The following TLCD4 variants were observed in gnomAD, a reference collection of about 807,000 sequenced individuals.
TLCD4 encodes the protein TLC domain-containing protein 4.
TLCD4 carries 7 observed loss-of-function variants against 24.2 expected under a neutral mutation model. The observed-to-expected ratio is 0.29, with a 90% CI of 0.16 to 0.54. The LOEUF (loss-of-function observed/expected upper bound fraction) is 0.54. Among genes scored for constraint, TLCD4 ranks in the 20% least tolerant of loss-of-function variants. TLCD4 has a pLI of 0.95. For synonymous variants in TLCD4, 103 were observed against 106.4 expected (o/e 0.97, Z 0.20); for missense variants, 259 against 313.9 (o/e 0.82, Z 1.32).
chr1:95,170,551 G>T (rs969828244), intron 5 of TLCD4, among the ~76,000 whole-genome samples: 57 of 152,022 alleles, frequency 3.7e-4, no homozygotes, highest in African/African-American at 1.3e-3. Context: ...GGATGGTCTC[G>T]ATCTCCTGAC....
chr1:95,114,135 C>T (rs1676388134), upstream of TLCD4, among the ~76,000 whole-genome samples: 2 of 152,218 alleles, frequency 1.3e-5, no homozygotes, highest in African/African-American at 4.8e-5. Flanking sequence ...TATCAGCTCA[C>T]TGCAGCCTCC....
At chr1:95,122,714 A>G (rs1676604728) in intron 1 of TLCD4, among the ~76,000 whole-genome samples, 1 of 152,208 alleles carries the variant, frequency 6.6e-6, no homozygotes, top group African/African-American at 2.4e-5. Context: ...TGCCATGGCA[A>G]ACTCTAGGAA....
chr1:95,190,571 C>T (rs9659908), intron 6 of TLCD4, among the ~76,000 whole-genome samples: 14,168 of 152,086 alleles, frequency 0.093, 765 homozygotes, highest in African/African-American at 0.14. Flanking sequence ...TGATGATCCA[C>T]GCTCCTCAGC....
intron 5 of TLCD4, among the ~76,000 whole-genome samples, chr1:95,162,997 G>A (rs1251087396): frequency 1.2e-4 from 18 of 151,582 alleles, no homozygotes; most frequent in East Asian, 7.7e-4. Context: ...TGCTCTTCTC[G>A]AGGAGTATCT....
chr1:95,169,181 A>G (rs1258258076), intron 5 of TLCD4, among the ~76,000 whole-genome samples: 2 of 152,004 alleles, frequency 1.3e-5, no homozygotes, highest in African/African-American at 2.4e-5. Context: ...TGCTGTTCCC[A>G]CCCCTCATGG....
At chr1:95,151,236 T>C (rs1677483175) in intron 4 of TLCD4, 89 bp from the exon 5 acceptor site, 12 of 1,292,470 alleles carry the variant, frequency 9.3e-6, no homozygotes, top group Non-Finnish European at 1.3e-5. Flanking sequence ...TGGACAGTGA[T>C]GAGTTGGCAG....
the TLCD4 span, among the ~76,000 whole-genome samples, chr1:95,096,164 A>C: frequency 1.1e-3 from 161 of 152,368 alleles, no homozygotes; most frequent in African/African-American, 3.6e-3. Flanking sequence ...CCAATTAGCC[A>C]TTCAAATTTT....
rs761615986 is a variant in TLCD4, at chr1:95,191,695, C to A, written c.619C>A (p.Pro207Thr). 7 of 1,614,136 alleles carry A rather than the reference C, an allele frequency of 4.3e-6. No homozygotes were observed. The Admixed American group carries it at 8.3e-5, about 19-fold the overall frequency. The change falls in exon 7 of 7, where the codon CCC (proline) becomes ACC (threonine). Residue 207 changes from proline to threonine, a missense_variant. By Grantham distance (38) the Pro-to-Thr change is conservative (BLOSUM62 -1). Transcript: ENST00000370203. Reference protein sequence around the residue: ...GFMYSVYGTEPYIRLGVLIQL... With the variant: ...GFMYSVYGTETYIRLGVLIQL... ...CATGTATTCCGTGTATGGAACAGAA[C>A]CCTACATAAGGCTTGGAGTTTTAAT...
intron 6 of TLCD4, among the ~76,000 whole-genome samples, chr1:95,185,278 G>C (rs1429753463): frequency 1.3e-5 from 2 of 152,070 alleles, no homozygotes; most frequent in Non-Finnish European, 2.9e-5. Context: ...AGGGGAACTT[G>C]GTAGAACAAG....
chr1:95,146,434 T>C (rs1024597321), intron 2 of TLCD4, among the ~76,000 whole-genome samples: 13 of 152,158 alleles, frequency 8.5e-5, no homozygotes, highest in African/African-American at 3.1e-4. Flanking sequence ...GTTGGCAATA[T>C]TTACACTACT....
At chr1:95,118,050 C>T (rs540508751) in intron 1 of TLCD4, 2 of 152,370 alleles carry the variant, frequency 1.3e-5, no homozygotes, top group East Asian at 3.9e-4. Flanking sequence ...CCAGGGAGAG[C>T]TTTCTTGTTA....
intron 6 of TLCD4, among the ~76,000 whole-genome samples, chr1:95,178,563 C>CTTTTTTTTTTTTTTTTTT (rs57190787): frequency 1.2e-5 from 1 of 82,360 alleles, no homozygotes; most frequent in Non-Finnish European, 2.2e-5. Flanking sequence ...ATGCCCAGCC[C>CTTTTTTTTTTTTTTTTTT]TTTTTTTTTT....
At chr1:95,190,605 G>T (rs1557700693) in intron 6 of TLCD4, among the ~76,000 whole-genome samples, 1 of 151,900 alleles carries the variant, frequency 6.6e-6, no homozygotes, top group Non-Finnish European at 1.5e-5. Context: ...GGGATTACAG[G>T]GGTGAGCCAC....
intron 1 of TLCD4, among the ~76,000 whole-genome samples, chr1:95,140,255 C>T (rs1025908705): frequency 6.6e-6 from 1 of 152,026 alleles, no homozygotes; most frequent in African/African-American, 2.4e-5. Context: ...TTTATATGAC[C>T]GTCAGTGCAG....
At chr1:95,146,135 G>A (rs186891848) in intron 2 of TLCD4, among the ~76,000 whole-genome samples, 31 of 151,974 alleles carry the variant, frequency 2.0e-4, no homozygotes, top group Non-Finnish European at 1.5e-5. Context: ...CTAAACATGA[G>A]TTGAGAGTGG....
chr1:95,105,004 A>G, the TLCD4 span, among the ~76,000 whole-genome samples: 1 of 152,176 alleles, frequency 6.6e-6, no homozygotes, highest in African/African-American at 2.4e-5. Context: ...CCTGGGTGGC[A>G]GAGTGAGACT....
At chr1:95,176,184 T>C (rs963415000) in intron 6 of TLCD4, among the ~76,000 whole-genome samples, 14 of 151,754 alleles carry the variant, frequency 9.2e-5, no homozygotes, top group Non-Finnish European at 1.5e-5. Context: ...TTCAAGTTCT[T>C]TGCCAATTTT....
intron 6 of TLCD4, among the ~76,000 whole-genome samples, chr1:95,175,289 GTTTATCCTTTTGTGC>G (rs1678381783): frequency 1.3e-5 from 2 of 152,130 alleles, no homozygotes; most frequent in African/African-American, 4.8e-5. Flanking sequence ...ATGATACAGT[GTTTATCCTTTTGTGC>G]CTGGCTTATT....
Position 95,150,128 on chromosome 1 carries a change from AT to A in TLCD4, c.246-77del, listed in dbSNP as rs1677452476. 30 of 1,487,714 alleles carry A rather than the reference AT, an allele frequency of 2.0e-5. No homozygotes were observed. In the South Asian group the frequency reaches 3.9e-4, roughly 19 times the overall value. The allele number at this position is 1,487,714 out of a possible 1,614,324, so 92.2% of individuals were successfully genotyped here. On this transcript the variant is annotated intron_variant, in intron 3 of 6. Coordinates refer to ENST00000370203, the MANE Select transcript of TLCD4 (RefSeq NM_152487.3). ...AATCTATAGAAAGCAATTTTATTAT[AT>A]TTAAATCTCTATAGAAAAAAGAAGT...
Sources: gnomAD v4.1 joint callset for allele counts (sites outside exome capture counted in the v4.1 genomes callset) on GRCh38, gnomAD v4.1.1 for gene constraint, MANE v1.5 for transcripts, NCBI Gene and HGNC (gene_info 2026-07-23, HGNC 2026-07-21) for gene names.